Variants in ARHGAP8 observed in about 807,000 individuals in gnomAD.
ARHGAP8 encodes Rho GTPase activating protein 8.
Under a neutral mutation model 46.1 loss-of-function variants are expected in ARHGAP8, and 62 were observed. That is an observed-to-expected ratio of 1.34 (90% CI 1.10 to 1.66). The LOEUF (loss-of-function observed/expected upper bound fraction) is 1.66. Ranked by LOEUF, ARHGAP8 falls within the 40% of genes most tolerant of loss-of-function variation. ARHGAP8 has a pLI of 0.00. For missense variants in ARHGAP8, 923 were observed against 568.4 expected, an observed-to-expected ratio of 1.62 and a Z score of -6.34; for synonymous variants, 375 against 243.1, an observed-to-expected ratio of 1.54 and a Z score of -5.05.
chr22:44,807,877 C>T (rs1929044086), intron 3 of ARHGAP8, among the ~76,000 whole-genome samples: 1 of 152,182 alleles, frequency 6.6e-6, no homozygotes, highest in Admixed American at 6.5e-5. Flanking sequence ...TGACCTTCCG[C>T]CCTCTGACTT....
chr22:44,824,404 G>A (rs1398083136), intron 6 of ARHGAP8, among the ~76,000 whole-genome samples: 1 of 152,092 alleles, frequency 6.6e-6, no homozygotes, highest in Non-Finnish European at 1.5e-5. Flanking sequence ...CACCTTCTCC[G>A]CAGACCTTTC....
At chr22:44,795,675 A>G (rs1333811322) in intron 2 of ARHGAP8, among the ~76,000 whole-genome samples, 1 of 152,160 alleles carries the variant, frequency 6.6e-6, no homozygotes, top group African/African-American at 2.4e-5. Context: ...AGGTGTGAGA[A>G]GGAGGGTGCT....
At chr22:44,793,992 AG>A (rs1262619334) in intron 2 of ARHGAP8, among the ~76,000 whole-genome samples, 2 of 152,176 alleles carry the variant, frequency 1.3e-5, no homozygotes, top group African/African-American at 4.8e-5. Context: ...CGAGGGAGCG[AG>A]GGAGGCCGGC....
Position 44,763,300 on chromosome 22 carries a change from C to A in ARHGAP8, c.-72+10673C>A, listed in dbSNP as rs941468651. ...TCACTTGAGGCCAGGAGTTCGAGACCAACCTGGCCAACATGGTGAAACCCC... is the reference window on the plus strand; with the variant it reads ...TCACTTGAGGCCAGGAGTTCGAGACAAACCTGGCCAACATGGTGAAACCCC... On this transcript the variant is annotated intron_variant, in intron 1 of 11. Transcript: ENST00000356099. Among the ~76,000 whole-genome samples the A allele has an allele frequency of 4.0e-5, 6 of 151,514 alleles. No homozygotes were observed. In the South Asian group the frequency reaches 6.3e-4, roughly 16 times the overall value.
At position 44,862,352 on chromosome 22, in the gene ARHGAP8, A is replaced by G; in HGVS notation, c.1059A>G (p.Pro353=). The change falls in exon 12 of 12, where the codon CCA becomes CCG. Residue 353 remains proline, a synonymous_variant. Coordinates refer to ENST00000356099, the MANE Select transcript of ARHGAP8 (RefSeq NM_181335.3). ...ACVFGLNLIW[P]SQGVSSLSAL... is the part of the protein sequence containing the mutation. ...TCTTCGGGCTGAATTTGATCTGGCC[A>G]TCCCAGGGGGTCTCCTCCCTGAGTG... 1.2e-6 allele frequency: 2 copies of G among 1,614,054 alleles called. No individual in the cohort carries two copies. The highest frequency in any genetic ancestry group is 1.1e-5 in the South Asian group (1 of 91,068).
chr22:44,793,715 A>G (rs1002306975), intron 2 of ARHGAP8, among the ~76,000 whole-genome samples: 2 of 152,134 alleles, frequency 1.3e-5, no homozygotes, highest in African/African-American at 4.8e-5. Flanking sequence ...ACAGTGAGTG[A>G]TGTGGTGTTG....
chr22:44,842,951 G>A (rs1931748709), intron 7 of ARHGAP8, among the ~76,000 whole-genome samples: 1 of 152,218 alleles, frequency 6.6e-6, no homozygotes, highest in African/African-American at 2.4e-5. Flanking sequence ...CTGTTTTGAT[G>A]AGAATGTATG....
chr22:44,784,417 C>T (rs1235090365), intron 1 of ARHGAP8, among the ~76,000 whole-genome samples: 1 of 152,066 alleles, frequency 6.6e-6, no homozygotes, highest in Non-Finnish European at 1.5e-5. Flanking sequence ...CAAAACAAAA[C>T]AACAACAAAC....
intron 8 of ARHGAP8, among the ~76,000 whole-genome samples, chr22:44,845,746 A>G (rs2069938330): frequency 1.3e-5 from 2 of 152,166 alleles, no homozygotes; most frequent in South Asian, 4.1e-4. Flanking sequence ...TGCAGATACC[A>G]TTGCCAGTAG....
intron 5 of ARHGAP8, among the ~76,000 whole-genome samples, chr22:44,818,698 TCC>T (rs1491408709): frequency 7.6e-5 from 11 of 145,462 alleles, no homozygotes; most frequent in African/African-American, 3.0e-4. Flanking sequence ...CTTCCTTCCT[TCC>T]TTTTCTCTTT....
rs538408535 is a variant in ARHGAP8, at chr22:44,821,697, G to C, written c.387-674G>C. ...AGGCAGTGGACTAGACCTGCAAATA[G>C]CCTTGCATTGTCTTCCGCCCTCACT... is the stretch of plus-strand genomic sequence containing the variant. On this transcript the variant is annotated intron_variant, in intron 5 of 11. Coordinates refer to ENST00000356099, the MANE Select transcript of ARHGAP8 (RefSeq NM_181335.3). Among the ~76,000 whole-genome samples the C allele has an allele frequency of 1.8e-4, 27 of 152,352 alleles. No individual in the cohort carries two copies. In the South Asian group the frequency reaches 5.4e-3, roughly 30 times the overall value.
intron 2 of ARHGAP8, among the ~76,000 whole-genome samples, chr22:44,799,844 G>C (rs1202043308): frequency 6.6e-6 from 1 of 151,816 alleles, no homozygotes; most frequent in Non-Finnish European, 1.5e-5. Flanking sequence ...GGTGACATCA[G>C]ACTGCACTTG....
intron 2 of ARHGAP8, among the ~76,000 whole-genome samples, chr22:44,795,887 G>A (rs568947963): frequency 1.2e-4 from 18 of 151,638 alleles, no homozygotes; most frequent in African/African-American, 3.9e-4. Context: ...AGCCCCACTT[G>A]CCCACACATG....
chr22:44,846,178 C>T (rs1042692426), intron 8 of ARHGAP8, among the ~76,000 whole-genome samples: 10 of 152,252 alleles, frequency 6.6e-5, no homozygotes, highest in African/African-American at 2.4e-4. Context: ...ACCCCGCCAC[C>T]GTGTGGTCCC....
intron 1 of ARHGAP8, among the ~76,000 whole-genome samples, chr22:44,764,984 C>G (rs1400595203): frequency 5.3e-5 from 8 of 152,306 alleles, no homozygotes; most frequent in African/African-American, 1.9e-4. Flanking sequence ...ACAAATCATC[C>G]CATCAGTGGT....
At chr22:44,780,116 C>T (rs1479822921) in intron 1 of ARHGAP8, among the ~76,000 whole-genome samples, 2 of 152,090 alleles carry the variant, frequency 1.3e-5, no homozygotes, top group African/African-American at 4.8e-5. Flanking sequence ...CAGCCTGGTC[C>T]TGGGAGAAGA....
chr22:44,849,372 A>C, intron 10 of ARHGAP8: 2 of 380,832 alleles, frequency 5.3e-6, no homozygotes, highest in South Asian at 2.9e-5. Context: ...ATCCTGGTCA[A>C]AGTCCTGCCT....
At chr22:44,811,318 C>T (rs1929318459) in intron 4 of ARHGAP8, among the ~76,000 whole-genome samples, 1 of 152,256 alleles carries the variant, frequency 6.6e-6, no homozygotes, top group African/African-American at 2.4e-5. Context: ...ACGGCACCAG[C>T]CCGGGGAAGG....
intron 6 of ARHGAP8, among the ~76,000 whole-genome samples, chr22:44,824,501 C>T (rs913154921): frequency 3.3e-5 from 5 of 152,174 alleles, no homozygotes; most frequent in African/African-American, 7.2e-5. Context: ...ATGTGCCCCC[C>T]CATCCTGTGG....
Sources: allele counts gnomAD v4.1 joint callset (sites outside exome capture counted in the v4.1 genomes callset), GRCh38; gene constraint gnomAD v4.1.1; transcripts MANE v1.5; gene names NCBI Gene and HGNC (gene_info 2026-07-23, HGNC 2026-07-21).